ROBO2: variants seen among roughly 807,000 people sequenced by gnomAD.
ROBO2 encodes the protein roundabout guidance receptor 2.
In ROBO2, 53 loss-of-function variants were observed where a neutral mutation model predicts 160.8. The ratio of observed to expected loss-of-function variants is 0.33; its 90% confidence interval spans 0.26 to 0.41. The LOEUF (loss-of-function observed/expected upper bound fraction) is 0.41, where lower values mean the gene tolerates loss of function less well. ROBO2 is among the 10% of genes least tolerant of loss of function. The pLI is 1.00. For missense variants in ROBO2, 1,577 were observed against 1,722.4 expected (o/e 0.92, Z 1.49); for synonymous variants, 664 against 611.7 (o/e 1.09, Z -1.26).
intron 2 of ROBO2, among the ~76,000 whole-genome samples, chr3:76,379,488 A>C (rs1559850312): frequency 6.6e-6 from 1 of 152,174 alleles, no homozygotes; most frequent in Non-Finnish European, 1.5e-5. Context: ...CTTGTTGAAG[A>C]GTTCTTGGGC....
intron 2 of ROBO2, among the ~76,000 whole-genome samples, chr3:76,457,940 G>C (rs979329017): frequency 6.6e-6 from 1 of 152,056 alleles, no homozygotes; most frequent in Non-Finnish European, 1.5e-5. Flanking sequence ...CACAGCACGG[G>C]AACCCTGGAC....
rs186302005 is a variant in ROBO2, at chr3:77,532,207, C to A, written c.934+9305C>A. Among the ~76,000 whole-genome samples the A allele has an allele frequency of 1.6e-4, 25 of 151,868 alleles. 1 individual carries two copies. The highest frequency in any genetic ancestry group is 5.8e-4 in the African/African-American group (24 of 41,458). ...GGCTGGGTCTTAAATTACTCTCACA[C>A]TTCTTTCTTTTTTTTTCCTCTCAGA... On this transcript the variant is annotated intron_variant, in intron 6 of 25. Coordinates refer to ENST00000461745, the Ensembl canonical transcript of ROBO2.
chr3:77,352,716 A>T (rs935710106), intron 2 of ROBO2, among the ~76,000 whole-genome samples: 2 of 152,144 alleles, frequency 1.3e-5, no homozygotes, highest in Non-Finnish European at 2.9e-5. Flanking sequence ...GGAGTGTTCA[A>T]CCTTAGCAAC....
At chr3:76,299,923 A>G (rs1709272872) in intron 2 of ROBO2, among the ~76,000 whole-genome samples, 1 of 152,192 alleles carries the variant, frequency 6.6e-6, no homozygotes, top group African/African-American at 2.4e-5. Context: ...GTTGCAAAAC[A>G]TAACTGAGAG....
At chr3:77,034,509 C>T (rs923582779) in intron 2 of ROBO2, among the ~76,000 whole-genome samples, 1 of 151,784 alleles carries the variant, frequency 6.6e-6, no homozygotes, top group Non-Finnish European at 1.5e-5. Context: ...ATTAGTTCTT[C>T]TACAGGATAA....
chr3:77,085,798 T>C (rs576611008), intron 1 of ROBO2, among the ~76,000 whole-genome samples: 132 of 152,222 alleles, frequency 8.7e-4, no homozygotes, highest in Non-Finnish European at 1.4e-3. Flanking sequence ...AAAGGTGTCA[T>C]TTAGAAATTT....
intron 2 of ROBO2, among the ~76,000 whole-genome samples, chr3:76,398,471 A>G (rs2077607744): frequency 6.6e-6 from 1 of 151,920 alleles, no homozygotes. Context: ...AACTTAAAGT[A>G]TAATAATAAT....
intron 2 of ROBO2, among the ~76,000 whole-genome samples, chr3:76,966,498 C>T (rs1274641147): frequency 6.6e-6 from 1 of 152,130 alleles, no homozygotes; most frequent in East Asian, 1.9e-4. Context: ...AATGGCTCTC[C>T]CTCTGTGTAA....
intron 2 of ROBO2, among the ~76,000 whole-genome samples, chr3:76,323,138 TACACACACACACACAC>T (rs71874425): frequency 2.1e-5 from 3 of 144,042 alleles, no homozygotes; most frequent in East Asian, 4.2e-4. Flanking sequence ...TTGTTAGTAT[TACACACACACACACAC>T]ACACACACAC....
intron 2 of ROBO2, among the ~76,000 whole-genome samples, chr3:77,117,281 AG>A (rs2074303212): frequency 6.6e-6 from 1 of 152,234 alleles, no homozygotes; most frequent in Non-Finnish European, 1.5e-5. Context: ...AAAAAATTTA[AG>A]GCATTAAAAT....
In ROBO2 at chr3:76,574,883, CA is replaced by C. The variant is rs571618604; in HGVS notation, c.110-523127del. On this transcript the variant is annotated intron_variant, in intron 2 of 26. Coordinates refer to the ROBO2 transcript ENST00000487694. ...GGTCCATGGACAGTAATTGGAGGAA[CA>C]AAATTAAAAACCTATTTAAAAACTG... is the stretch of plus-strand genomic sequence containing the variant. Among the ~76,000 whole-genome samples the C allele has an allele frequency of 9.0e-4, 137 of 152,168 alleles. 1 individual carries two copies. The highest frequency in any genetic ancestry group is 6.9e-3 in the Admixed American group (105 of 15,260).
chr3:77,300,967 C>G (rs2062605335), intron 2 of ROBO2, among the ~76,000 whole-genome samples: 1 of 151,852 alleles, frequency 6.6e-6, no homozygotes, highest in African/African-American at 2.4e-5. Flanking sequence ...CTCTTGGGTT[C>G]AAGCAATTCT....
intron 2 of ROBO2, among the ~76,000 whole-genome samples, chr3:76,511,893 A>G (rs1417724192): frequency 6.6e-6 from 1 of 152,200 alleles, no homozygotes; most frequent in Non-Finnish European, 1.5e-5. Flanking sequence ...ATGAGGATCC[A>G]GTTGTTCATT....
chr3:77,060,295 G>A (rs1258925841), intron 1 of ROBO2, among the ~76,000 whole-genome samples: 1 of 152,104 alleles, frequency 6.6e-6, no homozygotes, highest in Non-Finnish European at 1.5e-5. Flanking sequence ...GAACAGAGGA[G>A]TTCTTGTTCT....
At chr3:76,577,426 G>C (rs1446626462) in intron 2 of ROBO2, among the ~76,000 whole-genome samples, 2 of 151,894 alleles carry the variant, frequency 1.3e-5, no homozygotes, top group Admixed American at 1.3e-4. Flanking sequence ...TGCTGACATG[G>C]GACAAATTCT....
intron 2 of ROBO2, among the ~76,000 whole-genome samples, chr3:76,395,504 A>C (rs1576912737): frequency 6.9e-6 from 1 of 145,654 alleles, no homozygotes; most frequent in South Asian, 2.2e-4. Context: ...AGACAAAAAA[A>C]AACCTTCAAA....
chr3:76,786,077 T>G (rs774380071), intron 2 of ROBO2, among the ~76,000 whole-genome samples: 1 of 151,228 alleles, frequency 6.6e-6, no homozygotes, highest in Non-Finnish European at 1.5e-5. Flanking sequence ...AACCCATATA[T>G]CATATGGATA....
At chr3:76,292,057 T>C (rs987770398) in intron 2 of ROBO2, among the ~76,000 whole-genome samples, 3 of 152,142 alleles carry the variant, frequency 2.0e-5, no homozygotes, top group Admixed American at 6.5e-5. Context: ...AGGTCCCAAA[T>C]ATCTTATTAG....
chr3:76,106,030 C>A (rs966713338), intron 2 of ROBO2, among the ~76,000 whole-genome samples: 31 of 152,018 alleles, frequency 2.0e-4, no homozygotes, highest in Non-Finnish European at 4.3e-4. Flanking sequence ...GTTAGAGGTT[C>A]AATATTCTGT....
Sources: gnomAD v4.1 joint callset for allele counts (sites outside exome capture counted in the v4.1 genomes callset) on GRCh38, gnomAD v4.1.1 for gene constraint, MANE v1.5 for transcripts, NCBI Gene and HGNC (gene_info 2026-07-23, HGNC 2026-07-21) for gene names.